Variants in VIT observed in about 807,000 individuals in gnomAD.
VIT encodes vitrin.
Under a neutral mutation model 78.0 loss-of-function variants are expected in VIT, and 99 were observed. The ratio of observed to expected loss-of-function variants is 1.27; its 90% confidence interval spans 1.08 to 1.50. The LOEUF is 1.50. Ranked by LOEUF, VIT falls within the 40% of genes most tolerant of loss-of-function variation. The pLI is 0.00. For missense variants in VIT, 1,126 were observed against 875.3 expected, an observed-to-expected ratio of 1.29 and a Z score of -3.61; for synonymous variants, 374 against 334.3, an observed-to-expected ratio of 1.12 and a Z score of -1.29.
chr2:36,760,029 T>A (rs1254591463), intron 6 of VIT, among the ~76,000 whole-genome samples: 1 of 150,400 alleles, frequency 6.6e-6, no homozygotes, highest in Non-Finnish European at 1.5e-5. Flanking sequence ...GGAGTTTCAC[T>A]CTGTTGCCAG....
At chr2:36,715,001 G>A (rs1666035284) in intron 1 of VIT, among the ~76,000 whole-genome samples, 1 of 152,152 alleles carries the variant, frequency 6.6e-6, no homozygotes, top group Non-Finnish European at 1.5e-5. Context: ...CTGGGTCTCT[G>A]TTGGCACTGT....
intron 7 of VIT, among the ~76,000 whole-genome samples, chr2:36,772,053 T>C (rs1377421534): frequency 2.0e-5 from 3 of 152,190 alleles, no homozygotes; most frequent in African/African-American, 7.2e-5. Flanking sequence ...TTACTATGCA[T>C]AGTATATCAT....
chr2:36,814,060 G>T lies in VIT; in HGVS notation c.1904-123G>T, dbSNP rs746196894. The T allele has an allele frequency of 1.5e-5, 18 of 1,220,602 alleles. No individual in the cohort carries two copies. The Middle Eastern group carries it at 1.4e-3, about 96-fold the overall frequency. The allele number at this position is 1,220,602 out of a possible 1,614,324, so 75.6% of individuals were successfully genotyped here. ...AGGCCTGTAGCGTATTTTTGGTTTT[G>T]TTTTGTTTGGGCATATTTCTGATTT... is the stretch of plus-strand genomic sequence containing the variant. On this transcript the variant is annotated intron_variant, in intron 15 of 15. Coordinates refer to ENST00000379242, the MANE Select transcript of VIT (RefSeq NM_053276.4).
intron 12 of VIT, among the ~76,000 whole-genome samples, chr2:36,797,488 C>T (rs539488595): frequency 6.6e-6 from 1 of 152,298 alleles, no homozygotes; most frequent in Admixed American, 6.5e-5. Flanking sequence ...CAGGAACACA[C>T]ACTGCTGGAT....
chr2:36,721,979 C>G (rs1666542673), intron 2 of VIT, among the ~76,000 whole-genome samples: 1 of 152,206 alleles, frequency 6.6e-6, no homozygotes, highest in Admixed American at 6.5e-5. Flanking sequence ...AGTGTTGTAT[C>G]TCTAGTGCTG....
chr2:36,765,484 AACTC>A, intron 6 of VIT, among the ~76,000 whole-genome samples: 1 of 151,548 alleles, frequency 6.6e-6, no homozygotes, highest in African/African-American at 2.4e-5. Context: ...AGCTTGTGAG[AACTC>A]ACTCACTATC....
chr2:36,803,680 A>T (rs1666494014), intron 13 of VIT, among the ~76,000 whole-genome samples: 1 of 152,224 alleles, frequency 6.6e-6, no homozygotes. Context: ...CTGTATATGT[A>T]ACCATTTGAT....
chr2:36,743,366 G>T, intron 4 of VIT, 110 bp downstream of exon 4: 1 of 1,159,680 alleles, frequency 8.6e-7, no homozygotes. Context: ...ATATTTTTTA[G>T]CTCAAAATCT....
intron 4 of VIT, among the ~76,000 whole-genome samples, chr2:36,750,924 C>T (rs1668421610): frequency 6.6e-6 from 1 of 152,132 alleles, no homozygotes; most frequent in African/African-American, 2.4e-5. Flanking sequence ...TTAGCATCCT[C>T]ATTTGTTATA....
At chr2:36,777,134 GTAAAT>G (rs1312092105) in intron 9 of VIT, among the ~76,000 whole-genome samples, 1 of 144,656 alleles carries the variant, frequency 6.9e-6, no homozygotes. Context: ...TAAAAATAAA[GTAAAT>G]TAATAGTTAA....
intron 9 of VIT, among the ~76,000 whole-genome samples, chr2:36,776,378 C>T (rs929126751): frequency 1.8e-4 from 28 of 152,180 alleles, no homozygotes; most frequent in African/African-American, 6.5e-4. Flanking sequence ...CAGCTATCTT[C>T]TATTATGATA....
chr2:36,747,408 C>G (rs954292427), intron 4 of VIT, among the ~76,000 whole-genome samples: 1 of 152,172 alleles, frequency 6.6e-6, no homozygotes, highest in African/African-American at 2.4e-5. Flanking sequence ...AAGTCCCCTA[C>G]TATTATCACA....
At chr2:36,710,026 G>A (rs568372944) in intron 1 of VIT, among the ~76,000 whole-genome samples, 18 of 152,224 alleles carry the variant, frequency 1.2e-4, no homozygotes, top group African/African-American at 4.3e-4. Context: ...GGAGACTGCT[G>A]CAGCTTCCCA....
intron 14 of VIT, among the ~76,000 whole-genome samples, chr2:36,806,696 AC>A (rs1666754124): frequency 6.6e-6 from 1 of 151,844 alleles, no homozygotes. Flanking sequence ...ACAGGCACAC[AC>A]CACCACGCCC....
chr2:36,752,621 T>G (rs534139639), intron 4 of VIT, among the ~76,000 whole-genome samples: 4 of 152,368 alleles, frequency 2.6e-5, no homozygotes, highest in African/African-American at 9.6e-5. Context: ...AGCCCCCATC[T>G]GCCTCGTAAG....
At chr2:36,705,562 C>T (rs1665364922) in intron 1 of VIT, among the ~76,000 whole-genome samples, 1 of 152,152 alleles carries the variant, frequency 6.6e-6, no homozygotes, top group Non-Finnish European at 1.5e-5. Flanking sequence ...ATCAACGAAC[C>T]TAATGGCACG....
chr2:36,782,224 A>T (rs1174185816), intron 10 of VIT, among the ~76,000 whole-genome samples: 1 of 152,204 alleles, frequency 6.6e-6, no homozygotes, highest in East Asian at 1.9e-4. Flanking sequence ...GGGAGGGAAG[A>T]TTGTACTGGT....
chr2:36,800,274 G>A (rs1443100736), intron 12 of VIT, among the ~76,000 whole-genome samples: 1 of 152,094 alleles, frequency 6.6e-6, no homozygotes, highest in African/African-American at 2.4e-5. Context: ...GAACCCGGGC[G>A]GCAGAGGTTA....
intron 9 of VIT, 118 bp downstream of exon 9, chr2:36,775,185 C>T (rs760984783): frequency 7.7e-4 from 909 of 1,177,094 alleles, no homozygotes; most frequent in Non-Finnish European, 1.0e-3. Context: ...CTTCAGGTCA[C>T]CAGAGTTTGG....
Sources: allele counts gnomAD v4.1 joint callset (sites outside exome capture counted in the v4.1 genomes callset), GRCh38; gene constraint gnomAD v4.1.1; transcripts MANE v1.5; gene names NCBI Gene and HGNC (gene_info 2026-07-23, HGNC 2026-07-21).